Variants in LRRC7 observed in about 807,000 individuals in gnomAD.
The protein encoded by LRRC7 is leucine rich repeat containing 7.
LRRC7 carries 23 observed loss-of-function variants against 175.7 expected under a neutral mutation model. That is an observed-to-expected ratio of 0.13 (90% CI 0.09 to 0.19). The LOEUF (loss-of-function observed/expected upper bound fraction) is 0.19. LRRC7 is among the 10% of genes least tolerant of loss of function. The probability of loss-of-function intolerance (pLI) is 1.00; values close to 1 mark genes in which losing one functional copy is unlikely to be tolerated. For missense variants in LRRC7, 1,354 were observed against 1,904.7 expected, an observed-to-expected ratio of 0.71 and a Z score of 5.38; for synonymous variants, 685 against 680.9, an observed-to-expected ratio of 1.01 and a Z score of -0.09.
intron 25 of LRRC7, among the ~76,000 whole-genome samples, chr1:70,099,704 A>G (rs1558068389): frequency 6.6e-6 from 1 of 152,150 alleles, no homozygotes; most frequent in Non-Finnish European, 1.5e-5. Flanking sequence ...AGAATAGCTG[A>G]AAAGAAGAAT....
At chr1:69,707,687 C>G (rs565993657) in intron 2 of LRRC7, among the ~76,000 whole-genome samples, 2 of 152,078 alleles carry the variant, frequency 1.3e-5, no homozygotes, top group African/African-American at 4.8e-5. Context: ...TCCTTGCCCC[C>G]AAGTCAAACA....
At chr1:69,743,024 A>G (rs1328132169) in intron 2 of LRRC7, among the ~76,000 whole-genome samples, 1 of 152,024 alleles carries the variant, frequency 6.6e-6, no homozygotes, top group African/African-American at 2.4e-5. Flanking sequence ...TTTTATTAGA[A>G]GGATGTGTTG....
intron 2 of LRRC7, among the ~76,000 whole-genome samples, chr1:69,759,851 G>T (rs904307551): frequency 6.6e-6 from 1 of 151,942 alleles, no homozygotes; most frequent in Non-Finnish European, 1.5e-5. Context: ...ACATATTATA[G>T]CTCCATGTTT....
At chr1:70,002,713 C>T (rs1350001522) in intron 11 of LRRC7, among the ~76,000 whole-genome samples, 1 of 152,074 alleles carries the variant, frequency 6.6e-6, no homozygotes, top group African/African-American at 2.4e-5. Context: ...CTCAGAGCCA[C>T]ATTTTTCTCA....
intron 7 of LRRC7, among the ~76,000 whole-genome samples, chr1:69,910,547 AT>A (rs1215785240): frequency 1.3e-5 from 2 of 152,026 alleles, no homozygotes; most frequent in Non-Finnish European, 2.9e-5. Flanking sequence ...CTGCTGCCTG[AT>A]TGTTCCTCTG....
At position 70,111,363 on chromosome 1, in the gene LRRC7, G is replaced by A. The variant is rs551402669; in HGVS notation, c.4620+3537G>A. Among the ~76,000 whole-genome samples the A allele has an allele frequency of 1.6e-4, 24 of 152,058 alleles. No homozygotes were observed. In the South Asian group the frequency reaches 3.9e-3, roughly 25 times the overall value. ...TTTCTGTTGTACTATTCATTTTCCC[G>A]GAATAGACACATTATAATTACTCTA... On this transcript the variant is annotated intron_variant, in intron 26 of 26. Coordinates refer to ENST00000651989, the MANE Select transcript of LRRC7 (RefSeq NM_001370785.2).
At chr1:69,705,377 G>T (rs1663905164) in intron 2 of LRRC7, among the ~76,000 whole-genome samples, 1 of 152,086 alleles carries the variant, frequency 6.6e-6, no homozygotes, top group African/African-American at 2.4e-5. Context: ...ATTAGCCAAA[G>T]TGAGTTGCAT....
At chr1:69,940,013 A>T (rs1196639519) in intron 8 of LRRC7, among the ~76,000 whole-genome samples, 1 of 152,138 alleles carries the variant, frequency 6.6e-6, no homozygotes, top group Non-Finnish European at 1.5e-5. Flanking sequence ...TGAGATTGTG[A>T]CCAATAAATA....
chr1:69,597,499 C>T (rs567608996), intron 1 of LRRC7, among the ~76,000 whole-genome samples: 1 of 152,244 alleles, frequency 6.6e-6, no homozygotes, highest in South Asian at 2.1e-4. Context: ...CTACCATATG[C>T]TATAAATTAA....
chr1:69,882,756 C>G (rs930383411), intron 7 of LRRC7, among the ~76,000 whole-genome samples: 47 of 125,346 alleles, frequency 3.7e-4, no homozygotes, highest in African/African-American at 1.3e-3. Flanking sequence ...CAATGCTATC[C>G]CTCCCCCGCC....
At chr1:69,752,416 T>G (rs1039196669) in intron 2 of LRRC7, among the ~76,000 whole-genome samples, 11 of 152,198 alleles carry the variant, frequency 7.2e-5, no homozygotes, top group African/African-American at 2.7e-4. Flanking sequence ...AGGTATGGAA[T>G]ATTAGGCAAG....
chr1:69,952,255 C>T (rs1050505076), intron 8 of LRRC7, among the ~76,000 whole-genome samples: 11 of 151,980 alleles, frequency 7.2e-5, no homozygotes, highest in Non-Finnish European at 4.4e-5. Context: ...CCCTGGTTCA[C>T]CAGTATATTC....
intron 2 of LRRC7, among the ~76,000 whole-genome samples, chr1:69,737,721 A>C (rs956439526): frequency 2.6e-5 from 4 of 151,930 alleles, no homozygotes; most frequent in African/African-American, 9.7e-5. Context: ...ACTTCCCAGA[A>C]CTCTTGCAAA....
At chr1:69,813,644 A>G (rs912843751) in intron 4 of LRRC7, among the ~76,000 whole-genome samples, 1 of 152,190 alleles carries the variant, frequency 6.6e-6, no homozygotes, top group Non-Finnish European at 1.5e-5. Flanking sequence ...TGCTTCCCAT[A>G]TAATTACTTT....
At chr1:69,835,511 T>G (rs1023636523) in intron 6 of LRRC7, among the ~76,000 whole-genome samples, 14 of 151,996 alleles carry the variant, frequency 9.2e-5, no homozygotes, top group African/African-American at 3.4e-4. Flanking sequence ...AATAAAAGAC[T>G]GTTATGTTCC....
chr1:69,924,205 G>C (rs2101745969), intron 7 of LRRC7, among the ~76,000 whole-genome samples: 1 of 152,158 alleles, frequency 6.6e-6, no homozygotes, highest in Admixed American at 6.5e-5. Flanking sequence ...GGTTACTGTA[G>C]CCTTGTAGTA....
rs1391933622 is a variant in LRRC7 at position 70,143,836 on chromosome 1, T to TA, written c.*21955dup. 1.1e-4 allele frequency: 17 copies of TA among 152,206 alleles called. No homozygotes were observed. Among genetic ancestry groups the TA allele is most frequent in the African/African-American group, 2.2e-4 (9 of 41,444 alleles). 9.4% of individuals were successfully genotyped at this position (152,206 alleles called of 1,614,324 possible). The stretch of plus-strand genomic sequence containing the variant: ...TGTGATTTTGAGCTTAAATTATATA[T>TA]AAAAAATTGTCATTTTTGTATGTGT... On this transcript the variant is annotated 3_prime_UTR_variant, in exon 27 of 27. Transcript: ENST00000651989.
Position 70,124,764 on chromosome 1 carries a change from A to C in LRRC7, c.*2877A>C, listed in dbSNP as rs1294630853. On this transcript the variant is annotated 3_prime_UTR_variant, in exon 27 of 27. Transcript: ENST00000651989. The stretch of plus-strand genomic sequence containing the variant: ...TCAAGGGTGTGCCTTTTAAAAAAAA[A>C]AAAGAAAAATCAATAACAACAAAAA... Among the ~76,000 whole-genome samples the C allele has an allele frequency of 2.0e-5, 3 of 151,948 alleles. No individual in the cohort carries two copies. Among genetic ancestry groups the C allele is most frequent in the Non-Finnish European group, 4.4e-5 (3 of 67,976 alleles).
At chr1:69,975,623 C>T (rs191667184) in intron 8 of LRRC7, among the ~76,000 whole-genome samples, 1 of 152,246 alleles carries the variant, frequency 6.6e-6, no homozygotes, top group African/African-American at 2.4e-5. Context: ...TCAATATGGA[C>T]CATTCTCCCC....
Sources: allele counts gnomAD v4.1 joint callset (sites outside exome capture counted in the v4.1 genomes callset), GRCh38; gene constraint gnomAD v4.1.1; transcripts MANE v1.5; gene names NCBI Gene and HGNC (gene_info 2026-07-23, HGNC 2026-07-21).